The following PCDHA12 variants were observed in gnomAD, a reference collection of about 807,000 sequenced individuals.
The protein encoded by PCDHA12 is protocadherin alpha 12, also known as protocadherin alpha-12.
A neutral mutation model predicts 60.0 loss-of-function variants in PCDHA12; 44 were observed. The ratio of observed to expected loss-of-function variants is 0.73; its 90% CI spans 0.58 to 0.94. The LOEUF (loss-of-function observed/expected upper bound fraction) is 0.94. Ranked by LOEUF, PCDHA12 falls within the 40% of genes least tolerant of loss-of-function variation. The pLI, the probability that PCDHA12 is intolerant of heterozygous loss-of-function variation, is 0.00. For synonymous variants in PCDHA12, 569 were observed against 553.0 expected, an observed-to-expected ratio of 1.03 and a Z score of -0.40; for missense variants, 1,276 against 1,239.7, an observed-to-expected ratio of 1.03 and a Z score of -0.44.
chr5:140,937,130 C>T (rs899242411), intron 1 of PCDHA12, among the ~76,000 whole-genome samples: 12 of 151,674 alleles, frequency 7.9e-5, no homozygotes, highest in Non-Finnish European at 1.3e-4. Flanking sequence ...CTCCGCCTCC[C>T]GGGTTCATGC....
In PCDHA12 at chr5:140,876,702, C is replaced by A. The variant is rs1554168805; in HGVS notation, c.1230C>A (p.Asp410Glu). 6.2e-7 allele frequency: 1 copy of A among 1,614,242 alleles called. No homozygotes were observed. Among genetic ancestry groups the A allele is most frequent in the Admixed American group, 1.7e-5 (1 of 60,028 alleles). ...TYKNYYSLVL[D>E]SALDRESVSA... The stretch of plus-strand genomic sequence containing the variant: ...AGAATTACTACTCGTTGGTGCTGGA[C>A]AGCGCCCTGGACCGCGAGAGCGTGT... The change falls in exon 1 of 4, where the codon GAC (aspartate) becomes GAA (glutamate). Residue 410 changes from aspartate (D) to glutamate (E), a missense_variant. Coordinates refer to ENST00000398631, the MANE Select transcript of PCDHA12 (RefSeq NM_018903.4).
intron 1 of PCDHA12, among the ~76,000 whole-genome samples, chr5:140,957,916 T>C (rs1554223208): frequency 6.6e-6 from 1 of 152,114 alleles, no homozygotes; most frequent in African/African-American, 2.4e-5. Context: ...TTGTTATCTA[T>C]GTATCAAGCT....
chr5:140,929,508 A>C (rs1200880949), intron 1 of PCDHA12: 3 of 831,290 alleles, frequency 3.6e-6, no homozygotes, highest in Non-Finnish European at 5.1e-6. Context: ...CCTAGGCCTC[A>C]AGGGACTTAT....
At chr5:140,883,240 C>G in intron 1 of PCDHA12, 1 of 1,613,998 alleles carries the variant, frequency 6.2e-7, no homozygotes, top group Non-Finnish European at 8.5e-7. Context: ...AGGCAGTTGA[C>G]AAAGGAAATA....
intron 1 of PCDHA12, among the ~76,000 whole-genome samples, chr5:140,949,282 T>C (rs1308331025): frequency 6.6e-6 from 1 of 151,850 alleles, no homozygotes; most frequent in African/African-American, 2.4e-5. Flanking sequence ...GAAAAGAATG[T>C]ATATTCTGTA....
chr5:141,000,403 A>C (rs1233777704), intron 3 of PCDHA12, among the ~76,000 whole-genome samples: 120 of 84,052 alleles, frequency 1.4e-3, no homozygotes, highest in East Asian at 4.6e-3. Context: ...CTCTATATAT[A>C]TATATATATA....
At chr5:140,944,188 T>A (rs184996) in intron 1 of PCDHA12, among the ~76,000 whole-genome samples, 85,693 of 151,800 alleles carry the variant, frequency 0.56, 24,784 homozygotes, top group African/African-American at 0.69. Context: ...GTTGGTTTGT[T>A]TTGTTTTGTT....
chr5:140,995,606 C>G (rs532220927), intron 3 of PCDHA12, among the ~76,000 whole-genome samples: 30 of 152,102 alleles, frequency 2.0e-4, no homozygotes, highest in Non-Finnish European at 3.7e-4. Context: ...TTTTTCTTCT[C>G]CCAAACCAAA....
chr5:140,966,068 T>G (rs188069959), intron 1 of PCDHA12: 1 of 153,298 alleles, frequency 6.5e-6, no homozygotes. Context: ...CGCCTCCCCC[T>G]GCGTTGTTTC....
intron 1 of PCDHA12, chr5:140,884,343 C>T (rs368888498): frequency 1.2e-6 from 2 of 1,613,900 alleles, no homozygotes; most frequent in Non-Finnish European, 1.7e-6. Context: ...CCAGAAGCGG[C>T]GCTGGTGGAT....
At chr5:140,888,277 C>G (rs923275306) in intron 1 of PCDHA12, among the ~76,000 whole-genome samples, 1 of 151,972 alleles carries the variant, frequency 6.6e-6, no homozygotes, top group Non-Finnish European at 1.5e-5. Context: ...ACAGTTTTGT[C>G]CCCTCTACCC....
chr5:140,925,337 AT>A (rs1197479455), intron 1 of PCDHA12, among the ~76,000 whole-genome samples: 1 of 152,072 alleles, frequency 6.6e-6, no homozygotes, highest in Non-Finnish European at 1.5e-5. Flanking sequence ...TAAAAGAAGG[AT>A]TTGAGTGAGG....
intron 1 of PCDHA12, among the ~76,000 whole-genome samples, chr5:140,887,774 C>G (rs2061572628): frequency 6.6e-6 from 1 of 152,168 alleles, no homozygotes; most frequent in Non-Finnish European, 1.5e-5. Context: ...TACAATGACA[C>G]AGGTCATTGA....
chr5:140,928,231 C>T (rs2085058715), intron 1 of PCDHA12: 2 of 1,614,108 alleles, frequency 1.2e-6, no homozygotes, highest in South Asian at 2.2e-5. Context: ...AAACTTTCCT[C>T]AACCCCAGCA....
chr5:140,949,277 G>T (rs934497662), intron 1 of PCDHA12, among the ~76,000 whole-genome samples: 2 of 151,734 alleles, frequency 1.3e-5, no homozygotes, highest in African/African-American at 2.4e-5. Context: ...CACTTGAAAA[G>T]AATGTATATT....
At chr5:140,919,124 A>G (rs1195742790) in intron 1 of PCDHA12, among the ~76,000 whole-genome samples, 1 of 151,996 alleles carries the variant, frequency 6.6e-6, no homozygotes, top group Non-Finnish European at 1.5e-5. Flanking sequence ...TTTTTGCTTC[A>G]TGTGTTTTGG....
chr5:140,912,497 T>A (rs2075943539), intron 1 of PCDHA12, among the ~76,000 whole-genome samples: 1 of 152,174 alleles, frequency 6.6e-6, no homozygotes. Context: ...ATCTAGGAGC[T>A]TTTTGGATGA....
At chr5:140,993,227 C>T (rs1464075096) in intron 3 of PCDHA12, among the ~76,000 whole-genome samples, 1 of 152,084 alleles carries the variant, frequency 6.6e-6, no homozygotes, top group African/African-American at 2.4e-5. Context: ...TTGGTATGTT[C>T]TCTCTGAATC....
At position 140,928,406 on chromosome 5, in the gene PCDHA12, G is replaced by T. The variant is rs782285182; in HGVS notation, c.2368-50543G>T. On this transcript the variant is annotated intron_variant, in intron 1 of 3. Coordinates refer to ENST00000398631, the MANE Select transcript of PCDHA12 (RefSeq NM_018903.4). ...TTGCTGGCAGTGGAATCATCCAGTG[G>T]GGCCATCACTGCCAAAACTTCCTTT... 3 of 1,614,050 alleles carry T rather than the reference G, an allele frequency of 1.9e-6. No individual in the cohort carries two copies. The Admixed American group carries it at 5.0e-5, about 27-fold the overall frequency.
Sources: gnomAD v4.1 joint callset for allele counts (sites outside exome capture counted in the v4.1 genomes callset) on GRCh38, gnomAD v4.1.1 for gene constraint, MANE v1.5 for transcripts, NCBI Gene and HGNC (gene_info 2026-07-23, HGNC 2026-07-21) for gene names.